The following SIPA1L2 variants were observed in gnomAD, a reference collection of about 807,000 sequenced individuals.
SIPA1L2 encodes the protein signal induced proliferation associated 1 like 2.
A neutral mutation model predicts 163.9 loss-of-function variants in SIPA1L2; 56 were observed. The ratio of observed to expected loss-of-function variants is 0.34; its 90% CI spans 0.28 to 0.43. The LOEUF (loss-of-function observed/expected upper bound fraction) is 0.43. SIPA1L2 is among the 20% of genes least tolerant of loss of function. SIPA1L2 has a pLI of 1.00. For synonymous variants in SIPA1L2, 877 were observed against 865.7 expected, an observed-to-expected ratio of 1.01 and a Z score of -0.23; for missense variants, 1,974 against 2,193.5, an observed-to-expected ratio of 0.90 and a Z score of 2.00.
At chr1:232,592,901 G>A (rs1238925350) in intron 1 of SIPA1L2, among the ~76,000 whole-genome samples, 3 of 151,838 alleles carry the variant, frequency 2.0e-5, no homozygotes, top group African/African-American at 4.8e-5. Context: ...AATGGAAGAA[G>A]GGGAAATTAG....
chr1:232,576,833 A>T (rs1324986831), intron 1 of SIPA1L2, among the ~76,000 whole-genome samples: 1 of 152,188 alleles, frequency 6.6e-6, no homozygotes, highest in Non-Finnish European at 1.5e-5. Context: ...AGATGAAACC[A>T]GCCACATTTC....
At chr1:232,403,897 A>G (rs921809138) in intron 20 of SIPA1L2, among the ~76,000 whole-genome samples, 1 of 152,150 alleles carries the variant, frequency 6.6e-6, no homozygotes, top group Non-Finnish European at 1.5e-5. Context: ...CTATGCATGA[A>G]ATAATAGTTG....
At chr1:232,536,210 T>G (rs74144362) in intron 2 of SIPA1L2, among the ~76,000 whole-genome samples, 1,527 of 152,334 alleles carry the variant, frequency 0.01, 26 homozygotes, top group African/African-American at 0.035. Flanking sequence ...CATTCCAGCT[T>G]GGGCCTGAGG....
intron 1 of SIPA1L2, among the ~76,000 whole-genome samples, chr1:232,622,326 T>A (rs1386988304): frequency 6.6e-6 from 1 of 152,188 alleles, no homozygotes. Context: ...ATAAATAATA[T>A]CCTCATGTAC....
intron 2 of SIPA1L2, among the ~76,000 whole-genome samples, chr1:232,541,718 A>G (rs1314079324): frequency 6.6e-6 from 1 of 152,204 alleles, no homozygotes. Flanking sequence ...AGAATGAAAG[A>G]AGAACATATT....
intron 2 of SIPA1L2, among the ~76,000 whole-genome samples, chr1:232,529,431 C>T (rs532321090): frequency 6.6e-6 from 1 of 152,330 alleles, no homozygotes; most frequent in African/African-American, 2.4e-5. Flanking sequence ...TACCTATCGA[C>T]CTACTAAGTA....
rs571327447 is a variant in SIPA1L2, at chr1:232,463,180, G to A, written c.2820+1660C>T. ...GTGCAACTGCATGGGTTGCACATCC[G>A]TGAAGTGAGCCCTGCCTGGCCCTCT... is the stretch of plus-strand genomic sequence containing the variant. On this transcript the variant is annotated intron_variant, in intron 9 of 22. Transcript: ENST00000674635. Among the ~76,000 whole-genome samples, 36 of 152,302 alleles carry A rather than the reference G, an allele frequency of 2.4e-4. No homozygotes were observed. The South Asian group carries it at 2.7e-3, about 11-fold the overall frequency.
At chr1:232,564,168 GTGTGTGTGTGT>G (rs1659240694) in intron 2 of SIPA1L2, among the ~76,000 whole-genome samples, 1 of 108,814 alleles carries the variant, frequency 9.2e-6, no homozygotes, top group African/African-American at 4.4e-5. Context: ...GTGTGTGTGT[GTGTGTGTGTGT>G]GTGTGTGTGT....
intron 9 of SIPA1L2, among the ~76,000 whole-genome samples, chr1:232,461,947 T>C (rs995948609): frequency 6.6e-6 from 1 of 152,164 alleles, no homozygotes; most frequent in South Asian, 2.1e-4. Context: ...GGCAAGTGTG[T>C]AGGATGGTGC....
At chr1:232,401,944 A>C (rs72757307) in intron 22 of SIPA1L2, among the ~76,000 whole-genome samples, 1 of 152,174 alleles carries the variant, frequency 6.6e-6, no homozygotes, top group Admixed American at 6.5e-5. Context: ...TCTTTTGAGG[A>C]CAGACCATGT....
chr1:232,498,888 A>G (rs1032314825), intron 3 of SIPA1L2, among the ~76,000 whole-genome samples: 1 of 152,212 alleles, frequency 6.6e-6, no homozygotes, highest in Admixed American at 6.5e-5. Flanking sequence ...TCCAGGGATT[A>G]GGACCTGGAC....
At chr1:232,599,404 G>A (rs1661469534) in intron 1 of SIPA1L2, among the ~76,000 whole-genome samples, 1 of 152,214 alleles carries the variant, frequency 6.6e-6, no homozygotes, top group Non-Finnish European at 1.5e-5. Flanking sequence ...GATGCTGACT[G>A]CTCCTCAGCA....
At chr1:232,527,357 A>C (rs1207726089) in intron 2 of SIPA1L2, among the ~76,000 whole-genome samples, 1 of 152,214 alleles carries the variant, frequency 6.6e-6, no homozygotes, top group East Asian at 1.9e-4. Context: ...TAATGCTAGG[A>C]TCAATCCTCA....
In SIPA1L2 at chr1:232,609,824, C is replaced by T. The variant is rs1318850798; in HGVS notation, c.-319+20045G>A. ...CAGCCCAGGCGACAGTGCGAGACTC[C>T]ATCTCAAAAAAAAAAAAAAAAGAAA... On this transcript the variant is annotated intron_variant, in intron 1 of 22. Coordinates refer to ENST00000674635, the MANE Select transcript of SIPA1L2 (RefSeq NM_020808.5). Among the ~76,000 whole-genome samples, 5 of 107,266 alleles carry T rather than the reference C, an allele frequency of 4.7e-5. No individual in the cohort carries two copies. In the East Asian group the frequency reaches 7.3e-4, roughly 16 times the overall value. 70.4% of individuals were successfully genotyped at this position (107,266 alleles called of 152,430 possible). A position where few individuals can be genotyped will look rare whatever the true frequency, so the allele number is the denominator to read the frequency against.
Position 232,439,122 on chromosome 1 carries a change from T to A in SIPA1L2, c.4017A>T (p.Ile1339=), listed in dbSNP as rs1662736582. 1.2e-6 allele frequency: 2 copies of A among 1,607,156 alleles called. No individual in the cohort carries two copies. The highest frequency in any genetic ancestry group is 2.2e-5 in the South Asian group (2 of 90,486). The change falls in exon 15 of 23, where the codon ATA becomes ATT. Residue 1339 remains isoleucine (I), a synonymous_variant. Transcript: ENST00000674635. The part of the protein sequence containing the change: ...AEGSMGDLSE[I]SSHSSGSHHS... ...GTGGGGCTTACCTGGAATGAGAGGA[T>A]ATCTCACTGAGATCGCCCATGCTGC...
intron 10 of SIPA1L2, among the ~76,000 whole-genome samples, chr1:232,454,644 C>T (rs1426587660): frequency 6.6e-6 from 1 of 152,190 alleles, no homozygotes; most frequent in Non-Finnish European, 1.5e-5. Flanking sequence ...TGTAACCTGT[C>T]AAGCATGAGA....
chr1:232,488,246 C>T (rs1665750667), intron 5 of SIPA1L2, among the ~76,000 whole-genome samples: 1 of 152,180 alleles, frequency 6.6e-6, no homozygotes, highest in Admixed American at 6.5e-5. Context: ...AGCTACCGCG[C>T]CCAGCCCATT....
intron 18 of SIPA1L2, among the ~76,000 whole-genome samples, chr1:232,419,661 A>G (rs1661454866): frequency 6.6e-6 from 1 of 152,142 alleles, no homozygotes; most frequent in South Asian, 2.1e-4. Context: ...CATGACTGTA[A>G]GCTTCCTGAG....
intron 7 of SIPA1L2, among the ~76,000 whole-genome samples, chr1:232,476,938 C>T (rs1433269210): frequency 6.6e-6 from 1 of 152,152 alleles, no homozygotes; most frequent in Non-Finnish European, 1.5e-5. Context: ...TTTGCTAAGT[C>T]CTGTGGCTTC....
Sources: allele counts gnomAD v4.1 joint callset (sites outside exome capture counted in the v4.1 genomes callset), GRCh38; gene constraint gnomAD v4.1.1; transcripts MANE v1.5; gene names NCBI Gene and HGNC (gene_info 2026-07-23, HGNC 2026-07-21).